Variants in ARK2N observed in about 807,000 individuals in gnomAD.
ARK2N encodes the protein protein ARK2N.
the ARK2N span, among the ~76,000 whole-genome samples, chr18:46,182,334 G>C: frequency 6.6e-6 from 1 of 152,128 alleles, no homozygotes; most frequent in Admixed American, 6.6e-5. Flanking sequence ...AGAGAATTTT[G>C]GCAGCTTTTA....
At chr18:46,188,839 A>G in the ARK2N span, among the ~76,000 whole-genome samples, 1 of 152,074 alleles carries the variant, frequency 6.6e-6, no homozygotes, top group African/African-American at 2.4e-5. Context: ...AGATCTTGGT[A>G]TGTTGAAAGA....
At chr18:46,210,180 T>C in the ARK2N span, among the ~76,000 whole-genome samples, 1 of 152,176 alleles carries the variant, frequency 6.6e-6, no homozygotes, top group Non-Finnish European at 1.5e-5. Flanking sequence ...GTGATGATAG[T>C]CAATACTATT....
chr18:46,240,299 C>T, the ARK2N span: 2 of 1,162,210 alleles, frequency 1.7e-6, no homozygotes, highest in Non-Finnish European at 2.4e-6. Context: ...AGACATCTGG[C>T]ATTGAATGAT....
At chr18:46,210,676 G>T in the ARK2N span, among the ~76,000 whole-genome samples, 1 of 152,100 alleles carries the variant, frequency 6.6e-6, no homozygotes, top group Non-Finnish European at 1.5e-5. Context: ...TTGGGAGGCC[G>T]AGGTGGGTCG....
the ARK2N span, among the ~76,000 whole-genome samples, chr18:46,196,497 G>A: frequency 1.4e-5 from 2 of 145,474 alleles, no homozygotes; most frequent in Non-Finnish European, 3.0e-5. Flanking sequence ...TCCTGACCTC[G>A]TGATCCACCC....
the ARK2N span, chr18:46,263,123 A>G: frequency 1.7e-5 from 27 of 1,598,738 alleles, no homozygotes; most frequent in East Asian, 2.2e-5. Flanking sequence ...CTGTAATACA[A>G]TGTCACTGTG....
chr18:46,231,215 A>G, the ARK2N span, among the ~76,000 whole-genome samples: 5 of 152,208 alleles, frequency 3.3e-5, no homozygotes, highest in Non-Finnish European at 5.9e-5. Context: ...TAGGAGTAGC[A>G]TACAAATTAT....
chr18:46,198,333 A>G, the ARK2N span, among the ~76,000 whole-genome samples: 2 of 136,722 alleles, frequency 1.5e-5, no homozygotes, highest in South Asian at 2.3e-4. Context: ...AAAAAAAAAA[A>G]GAAGCTTGAC....
the ARK2N span, chr18:46,263,101 C>T: frequency 1.2e-5 from 20 of 1,612,074 alleles, no homozygotes; most frequent in Non-Finnish European, 4.2e-6. Context: ...GGATAGCAGG[C>T]GTAAATACCT....
the ARK2N span, among the ~76,000 whole-genome samples, chr18:46,227,590 T>G: frequency 6.6e-6 from 1 of 152,084 alleles, no homozygotes; most frequent in Non-Finnish European, 1.5e-5. Context: ...ACTAGAGGTC[T>G]CTGCATTTTT....
At chr18:46,221,873 C>T in the ARK2N span, among the ~76,000 whole-genome samples, 2 of 152,128 alleles carry the variant, frequency 1.3e-5, no homozygotes, top group African/African-American at 2.4e-5. Context: ...TGGCTAAAAG[C>T]CTCATGTCCC....
the ARK2N span, chr18:46,228,855 C>T: frequency 2.8e-5 from 11 of 398,364 alleles, no homozygotes; most frequent in African/African-American, 2.1e-4. Flanking sequence ...CTGTGGGATT[C>T]GCACCTGGCC....
chr18:46,205,123 G>A, the ARK2N span, among the ~76,000 whole-genome samples: 1 of 151,704 alleles, frequency 6.6e-6, no homozygotes, highest in Non-Finnish European at 1.5e-5. Flanking sequence ...GCCCATGCTG[G>A]TCTCGAACTC....
At chr18:46,184,757 A>G in the ARK2N span, among the ~76,000 whole-genome samples, 2 of 152,226 alleles carry the variant, frequency 1.3e-5, no homozygotes, top group Non-Finnish European at 2.9e-5. Context: ...AGATTTAGGA[A>G]GATGAGTATT....
chr18:46,227,371 T>C, the ARK2N span, among the ~76,000 whole-genome samples: 1 of 152,236 alleles, frequency 6.6e-6, no homozygotes, highest in Non-Finnish European at 1.5e-5. Flanking sequence ...TATTTGTAAC[T>C]TGTAAATTAC....
the ARK2N span, among the ~76,000 whole-genome samples, chr18:46,252,066 G>A: frequency 7.9e-5 from 12 of 151,886 alleles, no homozygotes; most frequent in Admixed American, 1.3e-4. Flanking sequence ...GGTGGCGTGC[G>A]CCTGTAATCC....
chr18:46,176,918 T>G, the ARK2N span, among the ~76,000 whole-genome samples: 1 of 152,092 alleles, frequency 6.6e-6, no homozygotes, highest in African/African-American at 2.4e-5. Flanking sequence ...GGCTGGCTAA[T>G]TTTTAAATTT....
chr18:46,236,188 T>G, the ARK2N span, among the ~76,000 whole-genome samples: 2 of 152,228 alleles, frequency 1.3e-5, no homozygotes, highest in African/African-American at 4.8e-5. Flanking sequence ...TTATTATTTT[T>G]TAATAGTAGA....
chr18:46,213,018 T>TG, the ARK2N span, among the ~76,000 whole-genome samples: 15 of 135,020 alleles, frequency 1.1e-4, no homozygotes, highest in African/African-American at 4.1e-4. Context: ...TTTTTTTTTT[T>TG]GGAGACTAAG....
Sources: gnomAD v4.1 joint callset for allele counts (sites outside exome capture counted in the v4.1 genomes callset) on GRCh38, gnomAD v4.1.1 for gene constraint, MANE v1.5 for transcripts, NCBI Gene and HGNC (gene_info 2026-07-23, HGNC 2026-07-21) for gene names.